Variants in NKAIN3 observed in about 807,000 individuals in gnomAD.
The protein encoded by NKAIN3 is sodium/potassium transporting ATPase interacting 3, also known as sodium/potassium-transporting ATPase subunit beta-1-interacting protein 3.
NKAIN3 carries 25 observed loss-of-function variants against 30.2 expected under a neutral mutation model. That is an observed-to-expected ratio of 0.83 (90% CI 0.60 to 1.16). NKAIN3 has a LOEUF of 1.16. Among genes scored for constraint, NKAIN3 ranks in the 50% most tolerant of loss-of-function variants. The pLI, the probability that NKAIN3 is intolerant of heterozygous loss-of-function variation, is 0.00. For missense variants in NKAIN3, 225 were observed against 254.1 expected (o/e 0.89, Z 0.78); for synonymous variants, 91 against 89.6 (o/e 1.02, Z -0.09).
chr8:62,855,689 C>T, intron 4 of NKAIN3: 1 of 1,601,318 alleles, frequency 6.2e-7, no homozygotes, highest in Non-Finnish European at 8.5e-7. Context: ...AAAGCTGTCA[C>T]TTCTGCATGT....
chr8:62,659,523 T>A (rs1450717423), intron 3 of NKAIN3, among the ~76,000 whole-genome samples: 1 of 152,252 alleles, frequency 6.6e-6, no homozygotes, highest in Non-Finnish European at 1.5e-5. Flanking sequence ...CCTCTGCTTT[T>A]GCTATCATTG....
chr8:62,333,233 T>G (rs947258825), intron 1 of NKAIN3, among the ~76,000 whole-genome samples: 6 of 152,132 alleles, frequency 3.9e-5, no homozygotes, highest in African/African-American at 1.4e-4. Flanking sequence ...ACAGGTAATT[T>G]TGAATTTGTG....
intron 4 of NKAIN3, among the ~76,000 whole-genome samples, chr8:62,785,422 G>A (rs1435854723): frequency 6.6e-6 from 1 of 152,138 alleles, no homozygotes; most frequent in Non-Finnish European, 1.5e-5. Context: ...TGGGGATGGG[G>A]TGGTGAGGAG....
At chr8:62,677,486 T>C (rs368362579) in intron 3 of NKAIN3, among the ~76,000 whole-genome samples, 1 of 152,200 alleles carries the variant, frequency 6.6e-6, no homozygotes, top group Non-Finnish European at 1.5e-5. Context: ...TGTGGTGCAG[T>C]AGAGATAGCA....
chr8:62,621,206 CATTT>C (rs1811610181), intron 3 of NKAIN3, among the ~76,000 whole-genome samples: 1 of 152,048 alleles, frequency 6.6e-6, no homozygotes, highest in Non-Finnish European at 1.5e-5. Context: ...AGGAAAGGAT[CATTT>C]ATTTAATATC....
rs942317820 is a variant in NKAIN3 at position 62,415,344 on chromosome 8, A to G, written c.55-164195A>G. Among the ~76,000 whole-genome samples the G allele has an allele frequency of 2.0e-5, 3 of 147,744 alleles. No homozygotes were observed. In the East Asian group the frequency reaches 5.8e-4, roughly 29 times the overall value. On this transcript the variant is annotated intron_variant, in intron 1 of 6. Transcript: ENST00000623646. ...TTGTAAAGCTTGAGATGATAAATAG[A>G]TGATGATGATGATGAGAGAGATCAG... is the stretch of plus-strand genomic sequence containing the variant.
rs377532931 is a variant in NKAIN3, at chr8:62,890,846, C to T, written c.472-27607C>T. Among the ~76,000 whole-genome samples, 109 of 152,306 alleles carry T rather than the reference C, an allele frequency of 7.2e-4. 1 individual carries two copies. In the South Asian group the frequency reaches 0.014, roughly 19 times the overall value. On this transcript the variant is annotated intron_variant, in intron 4 of 6. Coordinates refer to ENST00000623646, the MANE Select transcript of NKAIN3 (RefSeq NM_001304533.3). The stretch of plus-strand genomic sequence containing the variant: ...CACCCTCTCATCACCAAAGTCCTTC[C>T]GCACCATTTGCTAATGTGGTATTTC...
chr8:62,686,188 A>G (rs944974934), intron 3 of NKAIN3, among the ~76,000 whole-genome samples: 5 of 152,156 alleles, frequency 3.3e-5, no homozygotes, highest in African/African-American at 4.8e-5. Context: ...TTTCTGCCTA[A>G]TGAGGTCTTC....
chr8:62,707,637 A>G (rs185291886), intron 3 of NKAIN3, among the ~76,000 whole-genome samples: 87 of 152,112 alleles, frequency 5.7e-4, no homozygotes, highest in Admixed American at 1.2e-3. Flanking sequence ...CCTTTCTCAG[A>G]TGTATAGATT....
intron 3 of NKAIN3, among the ~76,000 whole-genome samples, chr8:62,616,356 A>T (rs1811454144): frequency 6.6e-6 from 1 of 152,036 alleles, no homozygotes; most frequent in Non-Finnish European, 1.5e-5. Context: ...GGTTCTCTCG[A>T]CCACTCCTCA....
At chr8:62,288,085 A>C (rs1813440020) in intron 1 of NKAIN3, among the ~76,000 whole-genome samples, 1 of 152,154 alleles carries the variant, frequency 6.6e-6, no homozygotes, top group Admixed American at 6.6e-5. Flanking sequence ...CCTCCGAGTA[A>C]AATAAGCCTC....
chr8:62,703,153 T>C (rs1350002652), intron 3 of NKAIN3, among the ~76,000 whole-genome samples: 1 of 152,154 alleles, frequency 6.6e-6, no homozygotes, highest in East Asian at 1.9e-4. Flanking sequence ...TTTAATTACC[T>C]GTACCCTGCT....
In NKAIN3 at chr8:62,306,338, T is replaced by G. The variant is rs529277936; in HGVS notation, c.54+57211T>G. Among the ~76,000 whole-genome samples, 11 of 150,376 alleles carry G rather than the reference T, an allele frequency of 7.3e-5. No homozygotes were observed. The East Asian group carries it at 2.1e-3, about 29-fold the overall frequency. ...GGGGGAAGGGGAGGTGGGCAGTAAT[T>G]AGATATCTCCCAAGAATTAAGAAAT... On this transcript the variant is annotated intron_variant, in intron 1 of 6. Transcript: ENST00000623646.
intron 3 of NKAIN3, among the ~76,000 whole-genome samples, chr8:62,648,689 C>T (rs908081502): frequency 1.3e-5 from 2 of 152,178 alleles, no homozygotes; most frequent in African/African-American, 4.8e-5. Flanking sequence ...GTCTTCCAGC[C>T]TCTTCCCTTT....
At chr8:62,809,004 T>G (rs1818396594) in intron 4 of NKAIN3, among the ~76,000 whole-genome samples, 1 of 152,154 alleles carries the variant, frequency 6.6e-6, no homozygotes, top group Admixed American at 6.6e-5. Context: ...TTTAGAGACC[T>G]ACCCCTGGGA....
intron 1 of NKAIN3, among the ~76,000 whole-genome samples, chr8:62,429,403 T>C (rs1804923670): frequency 6.6e-6 from 1 of 152,000 alleles, no homozygotes; most frequent in Admixed American, 6.6e-5. Context: ...ATGTGATTTA[T>C]TACAGTTCTT....
At chr8:62,930,926 C>G (rs1200341334) in intron 5 of NKAIN3, among the ~76,000 whole-genome samples, 2 of 152,198 alleles carry the variant, frequency 1.3e-5, no homozygotes, top group African/African-American at 4.8e-5. Flanking sequence ...CCAGGATGAT[C>G]TCAATCTCCT....
chr8:62,695,899 A>T lies in NKAIN3; in HGVS notation c.274-51033A>T, dbSNP rs1054838258. On this transcript the variant is annotated intron_variant, in intron 3 of 6. Coordinates refer to ENST00000623646, the MANE Select transcript of NKAIN3 (RefSeq NM_001304533.3). ...AGAGCATACAATAGGAAAATTTTTT[A>T]AATTAAGGGAGTATTTTCTGCACCT... is the stretch of plus-strand genomic sequence containing the variant. Among the ~76,000 whole-genome samples, 39 of 152,192 alleles carry T rather than the reference A, an allele frequency of 2.6e-4. 1 individual carries two copies. Among genetic ancestry groups the T allele is most frequent in the Non-Finnish European group, 7.3e-5 (5 of 68,044 alleles).
intron 4 of NKAIN3, among the ~76,000 whole-genome samples, chr8:62,820,184 C>T (rs1237877856): frequency 2.6e-5 from 4 of 151,938 alleles, no homozygotes; most frequent in East Asian, 1.9e-4. Flanking sequence ...AGATTTGCAA[C>T]GAAGGAATAA....
Sources: allele counts gnomAD v4.1 joint callset (sites outside exome capture counted in the v4.1 genomes callset), GRCh38; gene constraint gnomAD v4.1.1; transcripts MANE v1.5; gene names NCBI Gene and HGNC (gene_info 2026-07-23, HGNC 2026-07-21).